Variants in HNRNPA3 observed in about 807,000 individuals in gnomAD.
The protein encoded by HNRNPA3 is heterogeneous nuclear ribonucleoprotein A3.
In HNRNPA3, 3 loss-of-function variants were observed where a neutral mutation model predicts 45.8. The ratio of observed to expected loss-of-function variants is 0.07; its 90% CI spans 0.03 to 0.17. The LOEUF (loss-of-function observed/expected upper bound fraction) is 0.17, where lower values mean the gene tolerates loss of function less well. Among genes scored for constraint, HNRNPA3 ranks in the 10% least tolerant of loss-of-function variants. HNRNPA3 has a pLI of 1.00. For synonymous variants in HNRNPA3, 170 were observed against 155.6 expected (o/e 1.09, Z -0.69); for missense variants, 183 against 480.3 (o/e 0.38, Z 5.79).
exon 4 of HNRNPA3, chr2:177,216,129 A>C: frequency 1.3e-6 from 2 of 1,584,542 alleles, no homozygotes; most frequent in Non-Finnish European, 1.7e-6. Context: ...CAGAGTGGAA[A>C]AAAGAGAGGA....
In HNRNPA3 at chr2:177,219,395, T is replaced by TTGAATAATACAGGATAAAA; in HGVS notation, c.*16-13_*16-12insTGAATAATACAGGATAAAA. 1 of 1,087,822 alleles carries TTGAATAATACAGGATAAAA rather than the reference T, an allele frequency of 9.2e-7. No homozygotes were observed. The highest frequency in any genetic ancestry group is 1.3e-6 in the Non-Finnish European group (1 of 746,882). The allele number at this position is 1,087,822 out of a possible 1,614,324, so 67.4% of individuals were successfully genotyped here. A position where few individuals can be genotyped will look rare whatever the true frequency, so the allele number is the denominator to read the frequency against. On this transcript the variant is annotated splice_polypyrimidine_tract_variant and intron_variant, in intron 10 of 10. Coordinates refer to ENST00000392524, the Ensembl canonical transcript of HNRNPA3. ...TGAGTGTAATAATTTTTTTATCCTG[T>TTGAATAATACAGGATAAAA]ATTATTCAACAGGCTACAGTTCTTA... is the stretch of plus-strand genomic sequence containing the variant.
exon 11 of HNRNPA3, chr2:177,219,491 G>C (rs1419290044): frequency 2.0e-6 from 1 of 508,940 alleles, no homozygotes; most frequent in Non-Finnish European, 3.5e-6. Flanking sequence ...AAATGCATTA[G>C]AGGAACTGTA....
At position 177,218,052 on chromosome 2, in the gene HNRNPA3, C is replaced by CTTTTTTTTTTT. The variant is rs58476089; in HGVS notation, c.961+224_961+234dup. Among the ~76,000 whole-genome samples, 171 of 102,168 alleles carry CTTTTTTTTTTT rather than the reference C, an allele frequency of 1.7e-3. 10 individuals carry two copies. Among genetic ancestry groups the CTTTTTTTTTTT allele is most frequent in the African/African-American group, 3.0e-3 (75 of 25,046 alleles). The allele number at this position is 102,168 out of a possible 152,430, so 67.0% of individuals were successfully genotyped here. ...ACAAATGTACTCAGCTCTCTTTTTT[C>CTTTTTTTTTTT]TTTTTTTTTTTTTTTTTTTTTTTTT... On this transcript the variant is annotated intron_variant, in intron 8 of 10. Coordinates refer to ENST00000392524, the Ensembl canonical transcript of HNRNPA3.
intron 7 of HNRNPA3, 91 bp downstream of exon 7, chr2:177,217,031 CTT>C: frequency 1.6e-6 from 2 of 1,274,862 alleles, no homozygotes; most frequent in Non-Finnish European, 2.1e-6. Flanking sequence ...TTAGTTAAAA[CTT>C]CAGTGGCTAA....
chr2:177,215,830 A>T (rs149361647), exon 3 of HNRNPA3: 59 of 1,609,724 alleles, frequency 3.7e-5, no homozygotes, highest in Middle Eastern at 3.3e-4. Context: ...TGGATGCAGC[A>T]ATGTGTGCTC....
At chr2:177,220,543 C>T (rs916540377), downstream of HNRNPA3, 1 of 152,836 alleles carries the variant, frequency 6.5e-6, no homozygotes, top group Non-Finnish European at 1.5e-5. Context: ...AACTGGCTGG[C>T]ATGCTTTCCT....
At chr2:177,219,291 A>C in exon 10 of HNRNPA3, 2 of 1,613,440 alleles carry the variant, frequency 1.2e-6, no homozygotes, top group Non-Finnish European at 1.7e-6. Context: ...TGGTAGCAGA[A>C]GGTTCTAAAA....
intron 1 of HNRNPA3, among the ~76,000 whole-genome samples, chr2:177,214,801 AAAAC>A (rs1053913590): frequency 1.2e-4 from 19 of 152,206 alleles, no homozygotes; most frequent in East Asian, 3.9e-4. Context: ...TCTCAAAAAC[AAAAC>A]AAACAAAAAA....
At chr2:177,221,030 T>C (rs1049711703), downstream of HNRNPA3, 2 of 152,628 alleles carry the variant, frequency 1.3e-5, no homozygotes, top group Non-Finnish European at 2.9e-5. Context: ...CTCTTGTTGC[T>C]CTAATTCTGT....
Position 177,216,500 on chromosome 2 carries a change from T to C in HNRNPA3, c.554-3T>C. The C allele has an allele frequency of 6.2e-7, 1 of 1,609,002 alleles. No individual in the cohort carries two copies. Among genetic ancestry groups the C allele is most frequent in the Non-Finnish European group, 8.5e-7 (1 of 1,177,486 alleles). On this transcript the variant is annotated splice_polypyrimidine_tract_variant and splice_region_variant and intron_variant, in intron 4 of 10. Transcript: ENST00000392524. ...TGTTTTGTTTGATTGAAAAAAAATT[T>C]AGTTCAGAAATACCACACTATTAAT...
At chr2:177,215,834 T>C (rs1688911644) in exon 3 of HNRNPA3, 1 of 1,609,712 alleles carries the variant, frequency 6.2e-7, no homozygotes, top group Non-Finnish European at 8.5e-7. Context: ...TGCAGCAATG[T>C]GTGCTCGACC....
exon 10 of HNRNPA3, chr2:177,219,263 T>G: frequency 1.2e-6 from 2 of 1,613,762 alleles, no homozygotes. Context: ...ATGGATCTGG[T>G]GGTGGAAGTG....
chr2:177,216,240 GT>G (rs749869393), intron 4 of HNRNPA3, 52 bp downstream of exon 4: 23 of 1,260,082 alleles, frequency 1.8e-5, no homozygotes, highest in Non-Finnish European at 2.1e-5. Flanking sequence ...TGGTTTTTCT[GT>G]TTTGAACTAA....
intron 1 of HNRNPA3, among the ~76,000 whole-genome samples, chr2:177,214,034 C>T (rs1486496562): frequency 2.0e-5 from 3 of 152,194 alleles, no homozygotes; most frequent in East Asian, 3.8e-4. Flanking sequence ...ATCTCTACCT[C>T]TAGGAGACAC....
chr2:177,214,006 C>A (rs1298064001), intron 1 of HNRNPA3, among the ~76,000 whole-genome samples: 1 of 152,178 alleles, frequency 6.6e-6, no homozygotes, highest in Non-Finnish European at 1.5e-5. Context: ...ACAATCTCTT[C>A]ACATTAAACG....
At position 177,218,995 on chromosome 2, in the gene HNRNPA3, G is replaced by A. The variant is rs1201678768; in HGVS notation, c.962-42G>A. 1.9e-6 allele frequency: 3 copies of A among 1,603,016 alleles called. No individual in the cohort carries two copies. In the African/African-American group the frequency reaches 4.0e-5, roughly 22 times the overall value. On this transcript the variant is annotated intron_variant, in intron 8 of 10. Transcript: ENST00000392524. Reference sequence around the variant, plus strand: ...ACATACGTTAAAAGGGGAAAATGATGATTGTGTAGGTAAACCACACATAAA... The same window carrying A: ...ACATACGTTAAAAGGGGAAAATGATAATTGTGTAGGTAAACCACACATAAA...
chr2:177,219,882 TA>T (rs1689115891), exon 11 of HNRNPA3: 1 of 152,728 alleles, frequency 6.5e-6, no homozygotes, highest in African/African-American at 2.4e-5. Flanking sequence ...AGATCATTGT[TA>T]ATTACTATTT....
At chr2:177,216,416 G>A in intron 4 of HNRNPA3, 87 bp from the exon 5 acceptor site, 2 of 927,210 alleles carry the variant, frequency 2.2e-6, no homozygotes, top group South Asian at 3.0e-5. Flanking sequence ...GTCTTAATGG[G>A]TTACATAATG....
At chr2:177,219,186 T>G (rs768137934) in intron 9 of HNRNPA3, 27 bp downstream of exon 9, 2 of 1,610,936 alleles carry the variant, frequency 1.2e-6, no homozygotes, top group African/African-American at 2.7e-5. Flanking sequence ...ATCAATTCTT[T>G]AGAGCCTTTT....
Sources: gnomAD v4.1 joint callset for allele counts (sites outside exome capture counted in the v4.1 genomes callset) on GRCh38, gnomAD v4.1.1 for gene constraint, MANE v1.5 for transcripts, NCBI Gene and HGNC (gene_info 2026-07-23, HGNC 2026-07-21) for gene names.